UBR1: variants seen among roughly 807,000 people sequenced by gnomAD.
UBR1 encodes the protein E3 ubiquitin-protein ligase UBR1.
A neutral mutation model predicts 242.1 loss-of-function variants in UBR1; 102 were observed. The observed-to-expected ratio is 0.42, with a 90% CI of 0.36 to 0.50. UBR1 has a LOEUF of 0.50. Ranked by LOEUF, UBR1 falls within the 20% of genes least tolerant of loss-of-function variation. The pLI is 0.01. For synonymous variants in UBR1, 675 were observed against 684.8 expected (o/e 0.99, Z 0.22); for missense variants, 1,772 against 2,101.8 (o/e 0.84, Z 3.07).
intron 29 of UBR1, among the ~76,000 whole-genome samples, chr15:43,008,152 C>T (rs1029332020): frequency 2.4e-4 from 36 of 152,354 alleles, no homozygotes; most frequent in Admixed American, 2.1e-3. Flanking sequence ...GCAAAGATGT[C>T]GCTGCAGCAG....
intron 15 of UBR1, among the ~76,000 whole-genome samples, chr15:43,038,866 A>T (rs1363320980): frequency 6.6e-6 from 1 of 152,126 alleles, no homozygotes; most frequent in African/African-American, 2.4e-5. Context: ...TTAAAAAGGT[A>T]CTTTTAACAA....
At chr15:43,005,278 C>T (rs533641746) in intron 30 of UBR1, among the ~76,000 whole-genome samples, 32 of 146,744 alleles carry the variant, frequency 2.2e-4, no homozygotes, top group African/African-American at 7.6e-4. Context: ...CTGCCCCTTC[C>T]GGGAGGGAGG....
At chr15:42,966,670 G>A (rs1452377829) in intron 40 of UBR1, among the ~76,000 whole-genome samples, 5 of 147,084 alleles carry the variant, frequency 3.4e-5, no homozygotes, top group African/African-American at 1.3e-4. Context: ...AGAGCGAGAC[G>A]CTGACTCAAA....
chr15:43,012,913 A>T (rs2032947375), intron 29 of UBR1, among the ~76,000 whole-genome samples: 1 of 150,440 alleles, frequency 6.6e-6, no homozygotes, highest in Non-Finnish European at 1.5e-5. Context: ...TATCCACAAG[A>T]TTTTTTTTTT....
intron 1 of UBR1, 56 bp from the exon 2 acceptor site, chr15:43,086,296 T>G (rs1262426067): frequency 1.3e-6 from 2 of 1,584,168 alleles, no homozygotes; most frequent in Non-Finnish European, 1.7e-6. Flanking sequence ...CTTAATCATC[T>G]AGGGGCACAA....
At chr15:42,998,505 C>A (rs1321093962) in intron 32 of UBR1, among the ~76,000 whole-genome samples, 1 of 152,176 alleles carries the variant, frequency 6.6e-6, no homozygotes, top group African/African-American at 2.4e-5. Flanking sequence ...TAGTAAATGT[C>A]AGTAAATAGA....
intron 30 of UBR1, among the ~76,000 whole-genome samples, chr15:43,005,458 G>A (rs1272562742): frequency 7.9e-6 from 1 of 125,968 alleles, no homozygotes; most frequent in African/African-American, 2.9e-5. Context: ...CACCCCATCT[G>A]GGAGGGAGGT....
chr15:43,067,856 C>T (rs1189298888), intron 6 of UBR1, 42 bp downstream of exon 6: 1 of 1,613,380 alleles, frequency 6.2e-7, no homozygotes, highest in Admixed American at 1.7e-5. Flanking sequence ...TGCCAGGAAG[C>T]TGACAGAAAA....
chr15:42,960,734 A>C, intron 42 of UBR1, 33 bp from the exon 43 acceptor site: 2 of 1,604,270 alleles, frequency 1.2e-6, no homozygotes, highest in Non-Finnish European at 1.7e-6. Context: ...AGACAAATGG[A>C]TTATCACAGC....
chr15:42,958,235 A>C, intron 43 of UBR1, 145 bp from the exon 44 acceptor site: 1 of 649,512 alleles, frequency 1.5e-6, no homozygotes, highest in East Asian at 2.7e-5. Flanking sequence ...GACTTGATCA[A>C]ATCCAAACTT....
chr15:43,074,146 G>A (rs2033857994), intron 4 of UBR1, among the ~76,000 whole-genome samples: 1 of 152,160 alleles, frequency 6.6e-6, no homozygotes, highest in Non-Finnish European at 1.5e-5. Context: ...ATTTTCAAGT[G>A]TAATTGCACA....
At position 43,054,710 on chromosome 15, in the gene UBR1, G is replaced by A. The variant is rs1298244635; in HGVS notation, c.1439+32C>T. The A allele has an allele frequency of 5.0e-6, 8 of 1,612,366 alleles. No homozygotes were observed. The African/African-American group carries it at 1.1e-4, about 22-fold the overall frequency. ...GCAAATAAGCACACTGAGTTTAACAGGTGCCCTCACCTTTTGACTTGAACA... is the reference window on the plus strand; with the variant it reads ...GCAAATAAGCACACTGAGTTTAACAAGTGCCCTCACCTTTTGACTTGAACA... On this transcript the variant is annotated intron_variant, in intron 12 of 46. Transcript: ENST00000290650.
chr15:43,086,887 A>G (rs977800672), intron 1 of UBR1, among the ~76,000 whole-genome samples: 7 of 152,298 alleles, frequency 4.6e-5, no homozygotes, highest in Non-Finnish European at 8.8e-5. Flanking sequence ...TTTCCCACCT[A>G]TAGTCCCATC....
chr15:43,009,261 G>T (rs1230197823), intron 29 of UBR1, among the ~76,000 whole-genome samples: 1 of 152,220 alleles, frequency 6.6e-6, no homozygotes, highest in Non-Finnish European at 1.5e-5. Flanking sequence ...TATTCCCCTT[G>T]TCCAGACAAG....
At chr15:43,098,948 A>C (rs1341562427) in intron 1 of UBR1, among the ~76,000 whole-genome samples, 2 of 152,200 alleles carry the variant, frequency 1.3e-5, no homozygotes, top group East Asian at 3.8e-4. Context: ...CTAAAACAAT[A>C]TAGATTCAAA....
chr15:43,032,513 GTC>G (rs1027232766), intron 20 of UBR1, 53 bp downstream of exon 20: 2 of 1,200,300 alleles, frequency 1.7e-6, no homozygotes, highest in African/African-American at 3.0e-5. Context: ...CATATAAATG[GTC>G]TCTCTAAAAA....
intron 40 of UBR1, 91 bp downstream of exon 40, chr15:42,970,429 G>A (rs1344447487): frequency 7.5e-7 from 1 of 1,337,208 alleles, no homozygotes; most frequent in African/African-American, 1.4e-5. Context: ...ATTTTTAACT[G>A]GAATTTAAAT....
chr15:42,956,097 C>T (rs939847254), intron 44 of UBR1, among the ~76,000 whole-genome samples: 3 of 152,212 alleles, frequency 2.0e-5, no homozygotes, highest in Middle Eastern at 3.4e-3. Context: ...AAAGCCTAAG[C>T]GGGTGTACTC....
chr15:43,022,723 C>A lies in UBR1; in HGVS notation c.2818G>T (p.Asp940Tyr). Residue 940 changes from aspartate (D) to tyrosine (Y), a missense_variant, in exon 26 of 47, where the codon GAC becomes TAC. Transcript: ENST00000290650. ...QKAPEEEVTFDFYHKASRLGS... is the reference protein window; with the variant it reads ...QKAPEEEVTFYFYHKASRLGS... ...ATACTTGAAGCCTTATGATAAAAGT[C>A]AAATGTTACTTCTTCTTCAGGAGCT... 3 of 1,611,666 alleles carry A rather than the reference C, an allele frequency of 1.9e-6. No individual in the cohort carries two copies. The highest frequency in any genetic ancestry group is 2.2e-5 in the South Asian group (2 of 90,898).
Sources: gnomAD v4.1 joint callset for allele counts (sites outside exome capture counted in the v4.1 genomes callset) on GRCh38, gnomAD v4.1.1 for gene constraint, MANE v1.5 for transcripts, NCBI Gene and HGNC (gene_info 2026-07-23, HGNC 2026-07-21) for gene names.